The following METTL6 variants were observed in gnomAD, a reference collection of about 807,000 sequenced individuals.
METTL6 encodes the protein tRNA N(3)-cytidine methyltransferase METTL6.
Under a neutral mutation model 26.4 loss-of-function variants are expected in METTL6, and 22 were observed. The ratio of observed to expected loss-of-function variants is 0.83; its 90% CI spans 0.59 to 1.19. METTL6 has a LOEUF of 1.19. Among genes scored for constraint, METTL6 ranks in the 50% most tolerant of loss-of-function variants. METTL6 has a pLI of 0.00. For missense variants in METTL6, 304 were observed against 324.8 expected (o/e 0.94, Z 0.49); for synonymous variants, 109 against 116.2 (o/e 0.94, Z 0.40).
At chr3:15,399,084 T>G (rs1019797766) in intron 6 of METTL6, among the ~76,000 whole-genome samples, 2 of 152,052 alleles carry the variant, frequency 1.3e-5, no homozygotes, top group Admixed American at 1.3e-4. Flanking sequence ...CAAAAAGACA[T>G]GCCCACCAGT....
At chr3:15,417,857 C>T (rs1018754907) in intron 3 of METTL6, among the ~76,000 whole-genome samples, 2 of 152,114 alleles carry the variant, frequency 1.3e-5, no homozygotes, top group South Asian at 2.1e-4. Flanking sequence ...CATTAGAGAA[C>T]GACCCCCTCT....
chr3:15,383,224 C>T (rs1045172320), exon 7 of METTL6: 2 of 152,084 alleles, frequency 1.3e-5, no homozygotes, highest in Admixed American at 1.3e-4. Flanking sequence ...CCTAAGGGAT[C>T]CACCAAGGAA....
intron 6 of METTL6, among the ~76,000 whole-genome samples, chr3:15,393,701 C>A (rs144467024): frequency 0.029 from 4,443 of 152,240 alleles, 210 homozygotes; most frequent in African/African-American, 0.098. Flanking sequence ...GAGTTTTTAG[C>A]ATGAAGGGCT....
intron 6 of METTL6, among the ~76,000 whole-genome samples, chr3:15,404,029 C>T (rs187906068): frequency 1.3e-5 from 2 of 152,306 alleles, no homozygotes; most frequent in African/African-American, 4.8e-5. Context: ...TTTATTACAA[C>T]CTGCTTTATA....
At chr3:15,386,009 G>C (rs963907782) in intron 6 of METTL6, among the ~76,000 whole-genome samples, 4 of 152,192 alleles carry the variant, frequency 2.6e-5, no homozygotes, top group African/African-American at 9.6e-5. Flanking sequence ...GAGAAGAAAA[G>C]AAACAAAAGA....
At chr3:15,396,289 T>G (rs1408554517) in intron 6 of METTL6, among the ~76,000 whole-genome samples, 1 of 152,250 alleles carries the variant, frequency 6.6e-6, no homozygotes, top group Admixed American at 6.5e-5. Flanking sequence ...AATCGGCTAC[T>G]GAGGCTTGTG....
intron 6 of METTL6, among the ~76,000 whole-genome samples, chr3:15,390,150 G>A (rs1337956593): frequency 6.6e-6 from 1 of 152,060 alleles, no homozygotes; most frequent in East Asian, 1.9e-4. Flanking sequence ...GGAGGCTAGG[G>A]GACACAATGG....
chr3:15,397,292 G>A (rs527534355), intron 6 of METTL6, among the ~76,000 whole-genome samples: 31 of 152,354 alleles, frequency 2.0e-4, no homozygotes, highest in Non-Finnish European at 3.4e-4. Flanking sequence ...CCAGGCACGG[G>A]ATATAATCTC....
At chr3:15,422,175 A>T (rs561691792) in intron 3 of METTL6, among the ~76,000 whole-genome samples, 2 of 151,938 alleles carry the variant, frequency 1.3e-5, no homozygotes, top group South Asian at 4.2e-4. Flanking sequence ...AAAATAAAAC[A>T]ATTAGTTGGG....
At chr3:15,401,932 C>A (rs532341284) in intron 6 of METTL6, among the ~76,000 whole-genome samples, 11 of 152,162 alleles carry the variant, frequency 7.2e-5, no homozygotes, top group Non-Finnish European at 1.6e-4. Context: ...ATGGAGTAGC[C>A]AGCCATTCTT....
At chr3:15,426,143 GT>G (rs2061716397) in intron 2 of METTL6, 143 bp downstream of exon 2, 1 of 723,706 alleles carries the variant, frequency 1.4e-6, no homozygotes. Flanking sequence ...GTTTCATCAT[GT>G]TGGCCAGGAT....
At chr3:15,406,589 TATATATA>T (rs1559485529), downstream of METTL6, among the ~76,000 whole-genome samples, 4 of 3,020 alleles carry the variant, frequency 1.3e-3, no homozygotes, top group South Asian at 0.014. Flanking sequence ...CAAACAGTTA[TATATATA>T]TATATATATA....
exon 7 of METTL6, chr3:15,383,989 T>C: frequency 6.6e-6 from 2 of 304,544 alleles, no homozygotes; most frequent in South Asian, 5.1e-5. Context: ...AGCCAGACTG[T>C]ACATCCCCCA....
exon 7 of METTL6, chr3:15,383,398 T>A (rs895888052): frequency 6.7e-6 from 1 of 148,482 alleles, no homozygotes; most frequent in African/African-American, 2.6e-5. Context: ...ACACATTTAT[T>A]TTTACTTTTT....
At chr3:15,412,317 G>A (rs550708461) in intron 5 of METTL6, among the ~76,000 whole-genome samples, 3 of 152,252 alleles carry the variant, frequency 2.0e-5, no homozygotes, top group African/African-American at 7.2e-5. Flanking sequence ...TAAATGGTGA[G>A]GCAGCAAAAA....
chr3:15,408,344 T>G (rs1183197611), downstream of METTL6, among the ~76,000 whole-genome samples: 1 of 152,140 alleles, frequency 6.6e-6, no homozygotes, highest in Non-Finnish European at 1.5e-5. Context: ...TATGTTAAGC[T>G]TCTATGTTCA....
At chr3:15,425,857 T>G (rs1364281687) in intron 2 of METTL6, among the ~76,000 whole-genome samples, 1 of 152,268 alleles carries the variant, frequency 6.6e-6, no homozygotes, top group Non-Finnish European at 1.5e-5. Flanking sequence ...AGTATATTTC[T>G]CTCCTAAAAC....
chr3:15,411,242 A>C lies in METTL6; in HGVS notation c.*14T>G. The C allele has an allele frequency of 6.2e-7, 1 of 1,602,240 alleles. No individual in the cohort carries two copies. The highest frequency in any genetic ancestry group is 8.5e-7 in the Non-Finnish European group (1 of 1,176,534). On this transcript the variant is annotated 3_prime_UTR_variant, in exon 6 of 6. Coordinates refer to ENST00000383790, the MANE Select transcript of METTL6 (RefSeq NM_152396.4). Reference sequence around the variant, plus strand: ...CTCTTCAAGGGAAGGTATAAATGCCAACCTCATGAAAGGTCAGGACTTAGG... The same window carrying C: ...CTCTTCAAGGGAAGGTATAAATGCCCACCTCATGAAAGGTCAGGACTTAGG...
In METTL6 at chr3:15,387,791, G is replaced by C. The variant is rs1175731980; in HGVS notation, c.*12-3604C>G. Among the ~76,000 whole-genome samples, 4 of 151,500 alleles carry C rather than the reference G, an allele frequency of 2.6e-5. No individual in the cohort carries two copies. The Admixed American group carries it at 2.6e-4, about 10-fold the overall frequency. ...TGGATCAGGGAACAGAGATTAGCTT[G>C]TAAATCGTTCTCTTTGAAAAAAAGA... On this transcript the variant is annotated intron_variant, in intron 6 of 6. Transcript: ENST00000443029.
Sources: gnomAD v4.1 joint callset for allele counts (sites outside exome capture counted in the v4.1 genomes callset) on GRCh38, gnomAD v4.1.1 for gene constraint, MANE v1.5 for transcripts, NCBI Gene and HGNC (gene_info 2026-07-23, HGNC 2026-07-21) for gene names.